ADGRL3: variants seen among roughly 807,000 people sequenced by gnomAD.
ADGRL3 encodes the protein calcium-independent alpha-latrotoxin receptor 3.
Under a neutral mutation model 153.5 loss-of-function variants are expected in ADGRL3, and 62 were observed. The observed-to-expected ratio is 0.40, with a 90% CI of 0.33 to 0.50. The LOEUF (loss-of-function observed/expected upper bound fraction) is 0.50, where lower values mean the gene tolerates loss of function less well. Ranked by LOEUF, ADGRL3 falls within the 20% of genes least tolerant of loss-of-function variation. The probability of loss-of-function intolerance (pLI) is 0.47; values close to 1 mark genes in which losing one functional copy is unlikely to be tolerated. For missense variants in ADGRL3, 1,641 were observed against 1,859.4 expected, an observed-to-expected ratio of 0.88 and a Z score of 2.16; for synonymous variants, 710 against 672.5, an observed-to-expected ratio of 1.06 and a Z score of -0.86.
chr4:61,722,449 T>A (rs933604531), intron 6 of ADGRL3, among the ~76,000 whole-genome samples: 3 of 152,132 alleles, frequency 2.0e-5, no homozygotes, highest in African/African-American at 7.2e-5. Context: ...TAGGAATGCT[T>A]AAGAACTATG....
At chr4:61,637,145 A>G (rs1221834324) in intron 5 of ADGRL3, among the ~76,000 whole-genome samples, 2 of 152,202 alleles carry the variant, frequency 1.3e-5, no homozygotes, top group South Asian at 2.1e-4. Flanking sequence ...ACCTCAGAAC[A>G]TGATCTTATT....
rs79223537 is a variant in ADGRL3, at chr4:61,872,970, C to T, written c.1481-19686C>T. On this transcript the variant is annotated intron_variant, in intron 9 of 26. Transcript: ENST00000683033. ...CTTTCAGTTCTTTGTTTAAAATGCA[C>T]TGTAGTGCCGTATGATTTGCATGTT... Among the ~76,000 whole-genome samples, 626 of 152,256 alleles carry T rather than the reference C, an allele frequency of 4.1e-3. 9 individuals carry two copies. The highest frequency in any genetic ancestry group is 0.032 in the Admixed American group (492 of 15,282).
intron 4 of ADGRL3, among the ~76,000 whole-genome samples, chr4:61,586,318 T>G (rs1408431579): frequency 2.0e-5 from 3 of 152,018 alleles, no homozygotes; most frequent in Non-Finnish European, 4.4e-5. Context: ...TTCCTTGCAG[T>G]ATTATGACAC....
intron 2 of ADGRL3, among the ~76,000 whole-genome samples, chr4:61,489,953 T>C (rs1195493093): frequency 1.3e-5 from 2 of 152,126 alleles, no homozygotes. Flanking sequence ...TTGCAACCAA[T>C]CAAAATGAAT....
At chr4:61,307,118 G>A (rs2094818535) in intron 1 of ADGRL3, among the ~76,000 whole-genome samples, 1 of 152,138 alleles carries the variant, frequency 6.6e-6, no homozygotes, top group Non-Finnish European at 1.5e-5. Context: ...ATAATAAATA[G>A]GTGACTTGCC....
At chr4:61,625,624 C>T (rs1218006013) in intron 5 of ADGRL3, among the ~76,000 whole-genome samples, 1 of 151,820 alleles carries the variant, frequency 6.6e-6, no homozygotes, top group Non-Finnish European at 1.5e-5. Flanking sequence ...CTTCACATAC[C>T]TTAGATTCCT....
intron 17 of ADGRL3, among the ~76,000 whole-genome samples, chr4:61,972,009 T>C (rs1178699119): frequency 2.6e-5 from 4 of 152,010 alleles, no homozygotes. Flanking sequence ...GGGTTGTTTG[T>C]TTTTTTCTTG....
At chr4:61,936,574 A>ATTG (rs1455076170) in intron 15 of ADGRL3, among the ~76,000 whole-genome samples, 26 of 152,264 alleles carry the variant, frequency 1.7e-4, no homozygotes, top group African/African-American at 6.3e-4. Context: ...AAAATAATTA[A>ATTG]AATTCAATAA....
chr4:61,983,743 T>C (rs2099076176), intron 19 of ADGRL3, 140 bp downstream of exon 19: 3 of 723,006 alleles, frequency 4.1e-6, no homozygotes, highest in South Asian at 2.1e-5. Context: ...GGTTATACTT[T>C]GGTTATGATG....
chr4:61,645,848 G>A (rs2093952529), intron 5 of ADGRL3, among the ~76,000 whole-genome samples: 1 of 152,126 alleles, frequency 6.6e-6, no homozygotes, highest in South Asian at 2.1e-4. Context: ...GCTAGAATGG[G>A]GAAGTTCTCC....
At chr4:62,050,837 T>C (rs1733692489) in intron 25 of ADGRL3, among the ~76,000 whole-genome samples, 1 of 151,862 alleles carries the variant, frequency 6.6e-6, no homozygotes, top group African/African-American at 2.4e-5. Flanking sequence ...GACATCTACT[T>C]ATGAAATTTG....
chr4:61,221,078 A>G (rs1314968838), intron 1 of ADGRL3, among the ~76,000 whole-genome samples: 2 of 152,206 alleles, frequency 1.3e-5, no homozygotes, highest in Non-Finnish European at 2.9e-5. Flanking sequence ...CAGTGTCACT[A>G]TTGCAAAGAA....
At chr4:61,244,586 A>G (rs2149362197) in intron 1 of ADGRL3, among the ~76,000 whole-genome samples, 1 of 152,130 alleles carries the variant, frequency 6.6e-6, no homozygotes, top group East Asian at 1.9e-4. Flanking sequence ...AACTCATAAA[A>G]AAGAGCCAAT....
chr4:61,881,970 T>C (rs1485305509), intron 9 of ADGRL3, among the ~76,000 whole-genome samples: 1 of 152,196 alleles, frequency 6.6e-6, no homozygotes, highest in Non-Finnish European at 1.5e-5. Context: ...CACTGAGAAA[T>C]CTGTCAACTC....
chr4:61,543,059 C>G (rs778380821), intron 4 of ADGRL3, among the ~76,000 whole-genome samples: 2 of 152,040 alleles, frequency 1.3e-5, no homozygotes, highest in African/African-American at 4.8e-5. Flanking sequence ...ACACTATTAT[C>G]GTTCTTCCCA....
At chr4:62,060,999 A>AC (rs1399481678) in intron 25 of ADGRL3, among the ~76,000 whole-genome samples, 2 of 151,942 alleles carry the variant, frequency 1.3e-5, no homozygotes, top group Non-Finnish European at 2.9e-5. Context: ...TCCTGAATGA[A>AC]CTGGTGCCTT....
At chr4:61,412,515 A>G (rs966826984) in intron 2 of ADGRL3, among the ~76,000 whole-genome samples, 3 of 152,204 alleles carry the variant, frequency 2.0e-5, no homozygotes, top group Non-Finnish European at 4.4e-5. Flanking sequence ...AGCCTAGATT[A>G]AGACATGAAC....
At chr4:61,463,617 A>G (rs1053567139) in intron 2 of ADGRL3, among the ~76,000 whole-genome samples, 1 of 152,076 alleles carries the variant, frequency 6.6e-6, no homozygotes, top group African/African-American at 2.4e-5. Flanking sequence ...TTTCTTTTTT[A>G]CATGCTAAAT....
At position 61,742,037 on chromosome 4, in the gene ADGRL3, A is replaced by G. The variant is rs1244974077; in HGVS notation, c.1399+8483A>G. 2.0e-5 allele frequency among the ~76,000 whole-genome samples: 3 copies of G among 152,208 alleles called. No individual in the cohort carries two copies. The East Asian group carries it at 5.8e-4, about 29-fold the overall frequency. On this transcript the variant is annotated intron_variant, in intron 8 of 26. Coordinates refer to ENST00000683033, the MANE Select transcript of ADGRL3 (RefSeq NM_001387552.1). ...TTAGCATGTCCACCAGAGGGCAGGCAGGTGGAACTGGAATAGTGTTGTTGC... is the reference window on the plus strand; with the variant it reads ...TTAGCATGTCCACCAGAGGGCAGGCGGGTGGAACTGGAATAGTGTTGTTGC...
Sources: gnomAD v4.1 joint callset for allele counts (sites outside exome capture counted in the v4.1 genomes callset) on GRCh38, gnomAD v4.1.1 for gene constraint, MANE v1.5 for transcripts, NCBI Gene and HGNC (gene_info 2026-07-23, HGNC 2026-07-21) for gene names.